The following ATR variants were observed in gnomAD, a reference collection of about 807,000 sequenced individuals.
ATR encodes serine/threonine-protein kinase ATR.
ATR carries 142 observed loss-of-function variants against 305.3 expected under a neutral mutation model. The ratio of observed to expected loss-of-function variants is 0.47; its 90% confidence interval spans 0.41 to 0.53. ATR has a LOEUF of 0.53. Among genes scored for constraint, ATR ranks in the 20% least tolerant of loss-of-function variants. The probability of loss-of-function intolerance (pLI) is 0.00; values close to 1 mark genes in which losing one functional copy is unlikely to be tolerated. For synonymous variants in ATR, 1,050 were observed against 1,068.1 expected (o/e 0.98, Z 0.33); for missense variants, 2,135 against 3,133.1 (o/e 0.68, Z 7.60).
In ATR at chr3:142,488,757, G is replaced by A. The variant is rs2108317995; in HGVS notation, c.6079-3475C>T. Among the ~76,000 whole-genome samples, 2 of 152,204 alleles carry A rather than the reference G, an allele frequency of 1.3e-5. 1 individual carries two copies. The highest frequency in any genetic ancestry group is 6.8e-3 in the Middle Eastern group (2 of 294). On this transcript the variant is annotated intron_variant, in intron 35 of 46. Transcript: ENST00000350721. ...TGAAAGGTGACAGAGAAGCTTCTTGGTTATTCTTGGCCTTTATGTTTCCAC... is the reference window on the plus strand; with the variant it reads ...TGAAAGGTGACAGAGAAGCTTCTTGATTATTCTTGGCCTTTATGTTTCCAC...
rs757490543 is a variant in ATR at position 142,558,655 on chromosome 3, TAGA to T, written c.1851_1853del (p.Leu618del). The stretch of plus-strand genomic sequence containing the variant: ...TATCTGAAATCCTACAGCTTAATGT[TAGA>T]AGATTAGCGGCAAATGTGGTCAACT... On this transcript the variant is annotated inframe_deletion, in exon 8 of 47. Coordinates refer to ENST00000350721, the MANE Select transcript of ATR (RefSeq NM_001184.4). 11 of 1,613,438 alleles carry T rather than the reference TAGA, an allele frequency of 6.8e-6. No homozygotes were observed. Among genetic ancestry groups the T allele is most frequent in the East Asian group, 2.2e-5 (1 of 44,756 alleles).
intron 28 of ATR, among the ~76,000 whole-genome samples, chr3:142,505,622 A>G (rs1049025227): frequency 3.9e-5 from 6 of 152,214 alleles, no homozygotes; most frequent in Admixed American, 3.3e-4. Flanking sequence ...AGTATAGCTT[A>G]TAAGAGTTTT....
In ATR at chr3:142,553,636, A is replaced by G. The variant is rs1244397091; in HGVS notation, c.2633+4T>C. 2 of 1,597,046 alleles carry G rather than the reference A, an allele frequency of 1.3e-6. No homozygotes were observed. Among genetic ancestry groups the G allele is most frequent in the African/African-American group, 2.7e-5 (2 of 74,628 alleles). On this transcript the variant is annotated splice_donor_region_variant and intron_variant, in intron 12 of 46. Coordinates refer to ENST00000350721, the MANE Select transcript of ATR (RefSeq NM_001184.4). ...AGGAAGAACACAAATGCTGCCAAGT[A>G]TACCTTCCAATATCCCCTGTTGTAA... is the stretch of plus-strand genomic sequence containing the variant.
chr3:142,458,999 C>T lies in ATR; in HGVS notation c.7462G>A (p.Gly2488Ser), dbSNP rs1473297786. 1 of 1,613,850 alleles carries T rather than the reference C, an allele frequency of 6.2e-7. No individual in the cohort carries two copies. The highest frequency in any genetic ancestry group is 1.7e-5 in the Admixed American group (1 of 60,014). The change falls in exon 44 of 47, where the codon GGT becomes AGT. Residue 2488 changes from glycine to serine, a missense_variant. Gly to Ser is a moderately conservative substitution (Grantham distance 56, BLOSUM62 0). This residue lies in a region of ATR where 462 missense variants were observed against 887.6 expected (regional missense o/e 0.52). Transcript: ENST00000350721. ...TTGAAATCTACATGTACGCATTCACCAGTCAAAGAATCAAAGAGAATATTT... is the reference window on the plus strand; with the variant it reads ...TTGAAATCTACATGTACGCATTCACTAGTCAAAGAATCAAAGAGAATATTT... ...GENILFDSLTGECVHVDFNCL... is the reference protein window; with the variant it reads ...GENILFDSLTSECVHVDFNCL...
rs139645402 is a variant in ATR at position 142,480,554 on chromosome 3, A to C, written c.6221+4586T>G. 1.5e-3 allele frequency among the ~76,000 whole-genome samples: 229 copies of C among 152,314 alleles called. 2 individuals carry two copies. Among genetic ancestry groups the C allele is most frequent in the African/African-American group, 5.4e-3 (223 of 41,578 alleles). ...GTGTCAGGGTCCCACTTGAGGAGGC[A>C]GTCTGTCAGTGCTCAGATCTCAAAC... On this transcript the variant is annotated intron_variant, in intron 36 of 46. Coordinates refer to ENST00000350721, the MANE Select transcript of ATR (RefSeq NM_001184.4).
chr3:142,558,899 C>A, intron 7 of ATR, 123 bp from the exon 8 acceptor site: 1 of 1,026,540 alleles, frequency 9.7e-7, no homozygotes. Flanking sequence ...ATTCTTAACA[C>A]AGAGATCTAT....
chr3:142,450,998 A>AACT (rs2070775992), intron 46 of ATR: 1 of 1,244,244 alleles, frequency 8.0e-7, no homozygotes. Context: ...ACAAGCTGTG[A>AACT]ACTACACCAT....
chr3:142,569,533 G>A (rs775262736), intron 1 of ATR, among the ~76,000 whole-genome samples: 22 of 152,082 alleles, frequency 1.4e-4, no homozygotes, highest in Non-Finnish European at 2.5e-4. Flanking sequence ...CGTTGCCCAG[G>A]CTGGTCTCAA....
intron 4 of ATR, 138 bp from the exon 5 acceptor site, chr3:142,561,559 T>C (rs1044063043): frequency 1.5e-5 from 12 of 806,302 alleles, no homozygotes; most frequent in African/African-American, 1.0e-4. Flanking sequence ...AAAATAAACA[T>C]CTAAATTGAT....
At chr3:142,450,490 G>A in intron 46 of ATR, 1 of 1,603,040 alleles carries the variant, frequency 6.2e-7, no homozygotes, top group Non-Finnish European at 8.5e-7. Context: ...TAAAGAGAGA[G>A]TTCATCAGGA....
intron 32 of ATR, among the ~76,000 whole-genome samples, chr3:142,498,120 A>G (rs2031751278): frequency 1.3e-5 from 2 of 152,170 alleles, no homozygotes; most frequent in Admixed American, 6.6e-5. Context: ...TTAGTTTATC[A>G]TTTTTCCTCA....
chr3:142,496,794 C>T (rs1204990762), intron 33 of ATR, among the ~76,000 whole-genome samples: 1 of 151,898 alleles, frequency 6.6e-6, no homozygotes, highest in East Asian at 1.9e-4. Flanking sequence ...AACATATCCC[C>T]CAGATATGTT....
rs1559953240 is a variant in ATR at position 142,512,474 on chromosome 3, TG to T, written c.4642-5del. The T allele has an allele frequency of 6.3e-7, 1 of 1,583,460 alleles. No individual in the cohort carries two copies. Among genetic ancestry groups the T allele is most frequent in the East Asian group, 2.2e-5 (1 of 44,652 alleles). The stretch of plus-strand genomic sequence containing the variant: ...CTGCCATAATTTCTGCATAAACCTA[TG>T]AGAATCATTTATAATTAATAATAAT... On this transcript the variant is annotated splice_polypyrimidine_tract_variant and splice_region_variant and intron_variant, in intron 26 of 46. Coordinates refer to ENST00000350721, the MANE Select transcript of ATR (RefSeq NM_001184.4).
Position 142,453,223 on chromosome 3 carries a change from T to A in ATR, c.7666A>T (p.Thr2556Ser). The change falls in exon 46 of 47, where the codon ACT becomes TCT. Residue 2556 changes from threonine (T) to serine (S), a missense_variant. By Grantham distance (58) the Thr-to-Ser change is moderately conservative. Transcript: ENST00000350721. ...TCCACAAGAGGATCATGTAGAAAAG[T>A]CTTTAAGACACTAAAATTGAAACAA... ...QREPLMSVLK[T>S]FLHDPLVEWS... 1 of 1,612,944 alleles carries A rather than the reference T, an allele frequency of 6.2e-7. No homozygotes were observed. The highest frequency in any genetic ancestry group is 2.2e-5 in the East Asian group (1 of 44,850).
chr3:142,522,394 A>G (rs1453004304), intron 23 of ATR, among the ~76,000 whole-genome samples: 1 of 152,156 alleles, frequency 6.6e-6, no homozygotes, highest in Non-Finnish European at 1.5e-5. Flanking sequence ...ATGCTTGTAC[A>G]TAGAAAAATA....
chr3:142,578,554 A>C, intron 1 of ATR, 92 bp downstream of exon 1: 1 of 1,415,682 alleles, frequency 7.1e-7, no homozygotes, highest in South Asian at 1.3e-5. Context: ...AGGGGATCCC[A>C]GCCATAGCGC....
intron 36 of ATR, among the ~76,000 whole-genome samples, chr3:142,476,623 C>T (rs2071459796): frequency 6.6e-6 from 1 of 152,074 alleles, no homozygotes. Flanking sequence ...TTTTCCAATT[C>T]TGTGAAGAAA....
chr3:142,571,103 C>T (rs1326183819), intron 1 of ATR, among the ~76,000 whole-genome samples: 1 of 151,896 alleles, frequency 6.6e-6, no homozygotes, highest in East Asian at 1.9e-4. Context: ...ATTCAAAAGG[C>T]AAGTAAAACA....
At chr3:142,475,323 C>T (rs556598113) in intron 36 of ATR, among the ~76,000 whole-genome samples, 58 of 152,224 alleles carry the variant, frequency 3.8e-4, no homozygotes, top group African/African-American at 9.9e-4. Context: ...TGTTCAATTC[C>T]CAGCTATGAA....
Sources: allele counts gnomAD v4.1 joint callset (sites outside exome capture counted in the v4.1 genomes callset), GRCh38; gene constraint gnomAD v4.1.1; regional missense constraint gnomAD v4.1.1; transcripts MANE v1.5; gene names NCBI Gene and HGNC (gene_info 2026-07-23, HGNC 2026-07-21).